OTOF: variants seen among roughly 807,000 people sequenced by gnomAD.
OTOF encodes the protein otoferlin.
OTOF carries 218 observed loss-of-function variants against 236.8 expected under a neutral mutation model. The observed-to-expected ratio is 0.92, with a 90% CI of 0.82 to 1.03. The LOEUF (loss-of-function observed/expected upper bound fraction) is 1.03. Ranked by LOEUF, OTOF falls within the 50% of genes least tolerant of loss-of-function variation. The probability of loss-of-function intolerance (pLI) is 0.00; values close to 1 mark genes in which losing one functional copy is unlikely to be tolerated. For synonymous variants in OTOF, 1,041 were observed against 1,072.5 expected (o/e 0.97, Z 0.57); for missense variants, 2,590 against 2,694.4 (o/e 0.96, Z 0.86).
chr2:26,557,200 C>A (rs1419399470), intron 1 of OTOF, among the ~76,000 whole-genome samples: 1 of 152,178 alleles, frequency 6.6e-6, no homozygotes, highest in African/African-American at 2.4e-5. Context: ...TGCCAATGGT[C>A]TCTCCCATCC....
At position 26,502,427 on chromosome 2, in the gene OTOF, C is replaced by G. The variant is rs1666139817; in HGVS notation, c.584-1G>C. ...TCCATCTCCAGCACCGCCGGTTCAT[C>G]TGGGGAAGATGAAAGACTGGTTAGG... is the stretch of plus-strand genomic sequence containing the variant. On this transcript the variant is annotated splice_acceptor_variant, in intron 6 of 46. Coordinates refer to ENST00000272371, the MANE Select transcript of OTOF (RefSeq NM_194248.3). LOFTEE classifies it high-confidence loss of function. 1.2e-6 allele frequency: 2 copies of G among 1,612,730 alleles called. No homozygotes were observed. The highest frequency in any genetic ancestry group is 1.7e-6 in the Non-Finnish European group (2 of 1,179,674).
rs540621693 is a variant in OTOF at position 26,470,520 on chromosome 2, G to A, written c.4023+73C>T. ...AGTTGGGATCCAGCTCTTGGGGGCC[G>A]TGGGAAAGAAGCTGGACAGGAGGGT... On this transcript the variant is annotated intron_variant, in intron 32 of 46. Transcript: ENST00000272371. The surrounding 1 kb of genome is among the most constrained non-coding windows in gnomAD (Gnocchi z 4.3). 4.2e-5 allele frequency: 62 copies of A among 1,480,960 alleles called. No homozygotes were observed. The highest frequency in any genetic ancestry group is 2.6e-4 in the South Asian group (23 of 88,522). The allele number at this position is 1,480,960 out of a possible 1,614,324, so 91.7% of individuals were successfully genotyped here.
chr2:26,459,750 T>A (rs1022357731), intron 46 of OTOF, among the ~76,000 whole-genome samples: 9 of 152,188 alleles, frequency 5.9e-5, no homozygotes, highest in Non-Finnish European at 5.9e-5. Flanking sequence ...AAAATAGTCA[T>A]TTCTAGTTCT....
At chr2:26,519,209 G>A (rs1666614082) in intron 3 of OTOF, 100 bp from the exon 4 acceptor site, 1 of 831,626 alleles carries the variant, frequency 1.2e-6, no homozygotes, top group Admixed American at 2.0e-5. Flanking sequence ...GAGGACTCAG[G>A]TGGGCTTGCT....
intron 3 of OTOF, among the ~76,000 whole-genome samples, chr2:26,523,912 CTT>C (rs1214010611): frequency 7.2e-5 from 11 of 152,248 alleles, no homozygotes; most frequent in Admixed American, 7.2e-4. Context: ...GATGGGGAGA[CTT>C]GAGTCTCACA....
At position 26,473,100 on chromosome 2, in the gene OTOF, C is replaced by T. The variant is rs374178288; in HGVS notation, c.3733+32G>A. 1.0e-5 allele frequency: 16 copies of T among 1,602,886 alleles called. No individual in the cohort carries two copies. In the African/African-American group the frequency reaches 2.0e-4, roughly 20 times the overall value. ...AGCCCTTCCCTGGGGGGCGTGGAGC[C>T]AGGCTTGGTGGCAGGGTGGATGTGG... On this transcript the variant is annotated intron_variant, in intron 29 of 46. Coordinates refer to ENST00000272371, the MANE Select transcript of OTOF (RefSeq NM_194248.3). The surrounding 1 kb of genome is among the most constrained non-coding windows in gnomAD (Gnocchi z 7.2).
rs1278145889 is a variant in OTOF at position 26,477,514 on chromosome 2, T to C, written c.2316-8A>G. On this transcript the variant is annotated splice_region_variant and splice_polypyrimidine_tract_variant and intron_variant, in intron 19 of 46. Coordinates refer to ENST00000272371, the MANE Select transcript of OTOF (RefSeq NM_194248.3). The surrounding 1 kb of genome is among the most constrained non-coding windows in gnomAD (Gnocchi z 4.7). ...GCGAGGGAGAGGAAGCGGCTGGGGG[T>C]AGGGCGAGCCGGGGTTTAGCGAGCC... 1.3e-6 allele frequency: 2 copies of C among 1,599,628 alleles called. No homozygotes were observed. The highest frequency in any genetic ancestry group is 1.1e-5 in the South Asian group (1 of 89,126).
intron 37 of OTOF, 25 bp downstream of exon 37, chr2:26,465,924 A>T (rs1354717030): frequency 6.2e-7 from 1 of 1,614,228 alleles, no homozygotes; most frequent in East Asian, 2.2e-5. Context: ...GGGGTGTGGC[A>T]GGGGAGGGCA....
At chr2:26,504,259 G>A (rs940068294) in intron 5 of OTOF, among the ~76,000 whole-genome samples, 5 of 152,194 alleles carry the variant, frequency 3.3e-5, no homozygotes, top group African/African-American at 1.2e-4. Context: ...GGCTCAGCTG[G>A]TTGGAGAGAA....
Position 26,484,551 on chromosome 2 carries a change from G to A in OTOF, c.1128C>T (p.Asp376=), listed in dbSNP as rs745434989. 9.3e-6 allele frequency: 15 copies of A among 1,613,978 alleles called. No homozygotes were observed. The highest frequency in any genetic ancestry group is 1.7e-5 in the Admixed American group (1 of 60,006). Residue 376 remains aspartate (D), a synonymous_variant, in exon 12 of 47, where the codon GAC becomes GAT. Coordinates refer to ENST00000272371, the MANE Select transcript of OTOF (RefSeq NM_194248.3). Reference sequence around the variant, plus strand: ...TGTCCCCTTTGCCCACCACGGCAACGTCACACTTCACGTAGCCCTTCAGCC... The same window carrying A: ...TGTCCCCTTTGCCCACCACGGCAACATCACACTTCACGTAGCCCTTCAGCC... The part of the protein sequence containing the change: ...SSGLKGYVKC[D]VAVVGKGDNI...
chr2:26,477,668 C>A lies in OTOF; in HGVS notation c.2296G>T (p.Glu766Ter). Residue 766 changes from glutamate to a stop codon, truncating the protein, a stop_gained, in exon 19 of 47, where the codon GAG (glutamate) becomes TAG (stop). Transcript: ENST00000272371. LOFTEE classifies it high-confidence loss of function. The surrounding 1 kb of genome is among the most constrained non-coding windows in gnomAD (Gnocchi z 4.7). ...PERRLRGVLE[E>*]LSCGCCRFLS... Reference sequence around the variant, plus strand: ...TCTCACCAGCAGCCACAGCTCAGCTCCTCCAGGACGCCCCGCAGGCGACGC... The same window carrying A: ...TCTCACCAGCAGCCACAGCTCAGCTACTCCAGGACGCCCCGCAGGCGACGC... 1 of 1,612,524 alleles carries A rather than the reference C, an allele frequency of 6.2e-7. No homozygotes were observed.
intron 2 of OTOF, among the ~76,000 whole-genome samples, chr2:26,529,090 T>A (rs975970017): frequency 2.0e-5 from 3 of 152,024 alleles, no homozygotes; most frequent in African/African-American, 7.3e-5. Flanking sequence ...GTGGAGGGCC[T>A]CAGCAGGGGT....
At chr2:26,484,414 G>T (rs1665649717) in intron 12 of OTOF, 60 bp downstream of exon 12, 1 of 1,588,326 alleles carries the variant, frequency 6.3e-7, no homozygotes, top group South Asian at 1.1e-5. Context: ...CTCACCGGGG[G>T]CTCCCTGGGG....
At chr2:26,463,636 C>T in intron 40 of OTOF, 65 bp from the exon 41 acceptor site, 2 of 1,289,910 alleles carry the variant, frequency 1.6e-6, no homozygotes, top group East Asian at 2.5e-5. Flanking sequence ...GATCAGCTCT[C>T]CTCTCCCTCC....
chr2:26,535,518 C>A (rs1667048323), intron 2 of OTOF, among the ~76,000 whole-genome samples: 1 of 152,192 alleles, frequency 6.6e-6, no homozygotes, highest in South Asian at 2.1e-4. Context: ...CTCATTGCAA[C>A]AACCAGAAAC....
chr2:26,508,758 A>G (rs539777539), intron 5 of OTOF, among the ~76,000 whole-genome samples: 1 of 152,356 alleles, frequency 6.6e-6, no homozygotes, highest in Admixed American at 6.5e-5. Flanking sequence ...TTCTCAGTGG[A>G]GATAGATACC....
At position 26,503,617 on chromosome 2, in the gene OTOF, G is replaced by C. The variant is rs190993455; in HGVS notation, c.583+155C>G. On this transcript the variant is annotated intron_variant, in intron 6 of 46. Coordinates refer to ENST00000272371, the MANE Select transcript of OTOF (RefSeq NM_194248.3). The stretch of plus-strand genomic sequence containing the variant: ...CGTTTCCCTCCCTCGGCCCTAGGGC[G>C]TCTCCTTCCTAGAGGGCCACGCATC... Among the ~76,000 whole-genome samples the C allele has an allele frequency of 7.9e-5, 12 of 152,334 alleles. No homozygotes were observed. The East Asian group carries it at 2.3e-3, about 30-fold the overall frequency.
At chr2:26,464,655 G>A (rs1664639860) in intron 39 of OTOF, among the ~76,000 whole-genome samples, 2 of 152,164 alleles carry the variant, frequency 1.3e-5, no homozygotes. Flanking sequence ...CAGAGAGAAA[G>A]CAGGTGGGGC....
intron 1 of OTOF, among the ~76,000 whole-genome samples, chr2:26,544,066 G>A (rs886918093): frequency 3.3e-5 from 5 of 152,164 alleles, no homozygotes; most frequent in African/African-American, 1.2e-4. Flanking sequence ...TATAAAAATG[G>A]CTTCTTCTAT....
Sources: allele counts gnomAD v4.1 joint callset (sites outside exome capture counted in the v4.1 genomes callset), GRCh38; gene constraint gnomAD v4.1.1; non-coding constraint Gnocchi (gnomAD v3.1); transcripts MANE v1.5; gene names NCBI Gene and HGNC (gene_info 2026-07-23, HGNC 2026-07-21).